The following MSI2 variants were observed in gnomAD, a reference collection of about 807,000 sequenced individuals.
The protein encoded by MSI2 is musashi RNA binding protein 2, also known as RNA-binding protein Musashi homolog 2.
A neutral mutation model predicts 45.6 loss-of-function variants in MSI2; 17 were observed. The observed-to-expected ratio is 0.37, with a 90% CI of 0.26 to 0.56. The LOEUF is 0.56. MSI2 is among the 20% of genes least tolerant of loss of function. MSI2 has a pLI of 0.77. For missense variants in MSI2, 293 were observed against 444.2 expected, an observed-to-expected ratio of 0.66 and a Z score of 3.06; for synonymous variants, 156 against 158.2, an observed-to-expected ratio of 0.99 and a Z score of 0.11.
chr17:57,374,101 AAAAC>A (rs2083458869), intron 5 of MSI2, among the ~76,000 whole-genome samples: 1 of 152,194 alleles, frequency 6.6e-6, no homozygotes, highest in Admixed American at 6.5e-5. Context: ...GCAAAAAACA[AAAAC>A]AAAAAAGCAG....
At chr17:57,473,499 A>G (rs1004741251) in intron 6 of MSI2, among the ~76,000 whole-genome samples, 8 of 152,306 alleles carry the variant, frequency 5.3e-5, no homozygotes, top group African/African-American at 1.2e-4. Context: ...ATTCCCTGAC[A>G]TGGGGCATTT....
At chr17:57,592,846 CTG>C (rs754797590) in intron 7 of MSI2, among the ~76,000 whole-genome samples, 44 of 152,136 alleles carry the variant, frequency 2.9e-4, no homozygotes, top group Non-Finnish European at 5.7e-4. Context: ...GAGTGGGAAA[CTG>C]GGGCATCAGA....
At chr17:57,477,857 G>A (rs896741183) in intron 6 of MSI2, among the ~76,000 whole-genome samples, 1 of 152,208 alleles carries the variant, frequency 6.6e-6, no homozygotes, top group Non-Finnish European at 1.5e-5. Flanking sequence ...GGAACAAGTG[G>A]CAGTCATGAG....
chr17:57,610,076 A>G (rs1255452104), intron 8 of MSI2, among the ~76,000 whole-genome samples: 1 of 152,142 alleles, frequency 6.6e-6, no homozygotes, highest in Non-Finnish European at 1.5e-5. Context: ...TGTTAAACGT[A>G]CTGAGACTGA....
At chr17:57,389,167 C>T (rs1015963638) in intron 5 of MSI2, among the ~76,000 whole-genome samples, 8 of 151,440 alleles carry the variant, frequency 5.3e-5, no homozygotes, top group Non-Finnish European at 8.8e-5. Context: ...TTAGTACAGA[C>T]GGGGTTTCAC....
At chr17:57,567,334 A>G (rs894426067) in intron 7 of MSI2, among the ~76,000 whole-genome samples, 1 of 152,262 alleles carries the variant, frequency 6.6e-6, no homozygotes, top group Non-Finnish European at 1.5e-5. Context: ...ATTCAATTTC[A>G]TAAACAATTT....
At chr17:57,283,061 C>T (rs1320835558) in intron 5 of MSI2, among the ~76,000 whole-genome samples, 2 of 152,068 alleles carry the variant, frequency 1.3e-5, no homozygotes, top group East Asian at 1.9e-4. Context: ...TCCAGTAACC[C>T]TCTGTACCTC....
At chr17:57,656,292 C>T (rs553669683) in intron 11 of MSI2, among the ~76,000 whole-genome samples, 2 of 152,300 alleles carry the variant, frequency 1.3e-5, no homozygotes, top group African/African-American at 4.8e-5. Flanking sequence ...CTGTTGATAT[C>T]GTCCAATTAT....
downstream of MSI2, among the ~76,000 whole-genome samples, chr17:57,685,239 A>T (rs978270347): frequency 6.6e-6 from 1 of 152,196 alleles, no homozygotes; most frequent in African/African-American, 2.4e-5. Flanking sequence ...TCTACCAAAC[A>T]AACGAGAGGA....
intron 5 of MSI2, among the ~76,000 whole-genome samples, chr17:57,275,152 T>C (rs16958173): frequency 0.028 from 4,199 of 152,314 alleles, 75 homozygotes; most frequent in Non-Finnish European, 0.035. Flanking sequence ...TTAATCCACA[T>C]GCCAAAGGGC....
chr17:57,678,983 T>G (rs1465269723), intron 13 of MSI2, among the ~76,000 whole-genome samples: 2 of 152,346 alleles, frequency 1.3e-5, no homozygotes, highest in Admixed American at 1.3e-4. Context: ...CCTGGGCCTG[T>G]TTTTGTTTCC....
At chr17:57,294,374 A>G (rs2143489955) in intron 5 of MSI2, among the ~76,000 whole-genome samples, 1 of 152,286 alleles carries the variant, frequency 6.6e-6, no homozygotes, top group Middle Eastern at 3.4e-3. Context: ...GCCGTGGCAG[A>G]TGAACGAGAT....
chr17:57,420,305 A>T (rs1338656590), intron 6 of MSI2, among the ~76,000 whole-genome samples: 1 of 152,238 alleles, frequency 6.6e-6, no homozygotes, highest in Admixed American at 6.5e-5. Flanking sequence ...GGGCAGTCTG[A>T]AAAATGAATT....
intron 4 of MSI2, among the ~76,000 whole-genome samples, chr17:57,261,193 A>G (rs1322784899): frequency 6.6e-6 from 1 of 152,124 alleles, no homozygotes; most frequent in African/African-American, 2.4e-5. Flanking sequence ...ACATGCTTCC[A>G]GGAGAACTGT....
intron 6 of MSI2, among the ~76,000 whole-genome samples, chr17:57,425,355 G>A (rs966065832): frequency 6.6e-6 from 1 of 152,168 alleles, no homozygotes. Context: ...AAATACATAA[G>A]TAAACAGAGA....
At chr17:57,317,543 C>CT (rs1912955233) in intron 5 of MSI2, among the ~76,000 whole-genome samples, 1 of 122,408 alleles carries the variant, frequency 8.2e-6, no homozygotes, top group South Asian at 2.7e-4. Flanking sequence ...CGGGGTCTCA[C>CT]TTTGTCTCCC....
rs966759307 is a variant in MSI2 at position 57,684,279 on chromosome 17, A to G, written c.*4762A>G. The G allele has an allele frequency of 4.9e-6, 1 of 202,746 alleles. No homozygotes were observed. Among genetic ancestry groups the G allele is most frequent in the Non-Finnish European group, 1.0e-5 (1 of 98,642 alleles). The allele number at this position is 202,746 out of a possible 1,614,324, so 12.6% of individuals were successfully genotyped here. On this transcript the variant is annotated 3_prime_UTR_variant, in exon 14 of 14. Transcript: ENST00000284073. ...TGGTGTATTGTAAACTCCGAATTCC[A>G]TATGTAATAGGATGCAAGTCTAAGC... is the stretch of plus-strand genomic sequence containing the variant.
At chr17:57,399,735 A>G (rs1035420544) in intron 5 of MSI2, among the ~76,000 whole-genome samples, 1 of 152,220 alleles carries the variant, frequency 6.6e-6, no homozygotes, top group Non-Finnish European at 1.5e-5. Flanking sequence ...ATTCATGGGA[A>G]TCGGGCATTA....
intron 5 of MSI2, among the ~76,000 whole-genome samples, chr17:57,375,807 C>T (rs945957271): frequency 6.6e-6 from 1 of 152,076 alleles, no homozygotes; most frequent in Admixed American, 6.5e-5. Context: ...TAAAGGATGA[C>T]GAGACTCCCC....
Sources: gnomAD v4.1 joint callset for allele counts (sites outside exome capture counted in the v4.1 genomes callset) on GRCh38, gnomAD v4.1.1 for gene constraint, MANE v1.5 for transcripts, NCBI Gene and HGNC (gene_info 2026-07-23, HGNC 2026-07-21) for gene names.